The following CCSER1 variants were observed in gnomAD, a reference collection of about 807,000 sequenced individuals.
CCSER1 encodes serine-rich coiled-coil domain-containing protein 1.
CCSER1 carries 41 observed loss-of-function variants against 82.0 expected under a neutral mutation model. The observed-to-expected ratio is 0.50, with a 90% CI of 0.39 to 0.65. The LOEUF is 0.65. CCSER1 is among the 30% of genes least tolerant of loss of function. The pLI is 0.00. For synonymous variants in CCSER1, 414 were observed against 383.9 expected, an observed-to-expected ratio of 1.08 and a Z score of -0.92; for missense variants, 1,119 against 1,064.2, an observed-to-expected ratio of 1.05 and a Z score of -0.72.
intron 1 of CCSER1, among the ~76,000 whole-genome samples, chr4:90,208,249 C>T (rs115597287): frequency 0.024 from 3,609 of 152,232 alleles, 66 homozygotes; most frequent in Non-Finnish European, 0.038. Context: ...GGTTTTGTGG[C>T]GCTGCAGTTG....
At chr4:90,978,542 G>A (rs1735814298) in intron 9 of CCSER1, among the ~76,000 whole-genome samples, 1 of 151,598 alleles carries the variant, frequency 6.6e-6, no homozygotes, top group African/African-American at 2.4e-5. Context: ...ATCTAATTTA[G>A]ATTCAGGGAA....
chr4:91,343,093 T>A lies in CCSER1; in HGVS notation c.2218-255479T>A, dbSNP rs187835411. On this transcript the variant is annotated intron_variant, in intron 10 of 10. Transcript: ENST00000509176. ...ATTATAAATACATGTTACAAATTTA[T>A]AATAAAATATTTACTGTTGCCTACA... 1.1e-3 allele frequency among the ~76,000 whole-genome samples: 164 copies of A among 152,204 alleles called. 1 individual carries two copies. In the Middle Eastern group the frequency reaches 0.017, roughly 16 times the overall value.
chr4:91,078,797 T>C (rs1318575138), intron 9 of CCSER1, among the ~76,000 whole-genome samples: 4 of 152,310 alleles, frequency 2.6e-5, no homozygotes, highest in African/African-American at 9.6e-5. Context: ...CAAGCTTCAA[T>C]AGCAGATTTA....
intron 10 of CCSER1, among the ~76,000 whole-genome samples, chr4:91,557,644 G>C (rs948306663): frequency 7.3e-5 from 11 of 151,460 alleles, no homozygotes; most frequent in Non-Finnish European, 8.9e-5. Context: ...ATTGAGCTAT[G>C]TTTTAAAGGT....
chr4:91,139,974 A>G (rs1432532877), intron 10 of CCSER1, among the ~76,000 whole-genome samples: 3 of 152,138 alleles, frequency 2.0e-5, no homozygotes. Context: ...GTACCTTGGG[A>G]GTAAGTTAAA....
intron 1 of CCSER1, among the ~76,000 whole-genome samples, chr4:90,183,632 A>T (rs1337166693): frequency 6.6e-6 from 1 of 152,158 alleles, no homozygotes; most frequent in Non-Finnish European, 1.5e-5. Flanking sequence ...TAACTCTGAA[A>T]AGGTACTCAC....
At chr4:90,986,431 A>G (rs934329548) in intron 9 of CCSER1, among the ~76,000 whole-genome samples, 1 of 151,870 alleles carries the variant, frequency 6.6e-6, no homozygotes, top group African/African-American at 2.4e-5. Flanking sequence ...AATTTAAAAC[A>G]CCTGATTATT....
chr4:90,755,814 T>G (rs1320319725), intron 7 of CCSER1, among the ~76,000 whole-genome samples: 1 of 152,220 alleles, frequency 6.6e-6, no homozygotes, highest in Non-Finnish European at 1.5e-5. Context: ...CAGGGAAATA[T>G]CTAATGATCC....
chr4:90,628,488 A>T (rs1001024801), intron 6 of CCSER1, among the ~76,000 whole-genome samples: 1 of 152,152 alleles, frequency 6.6e-6, no homozygotes, highest in African/African-American at 2.4e-5. Context: ...GCATCCCCCT[A>T]TTTGTCAGGT....
chr4:91,529,048 T>C (rs911224586), intron 10 of CCSER1, among the ~76,000 whole-genome samples: 56 of 152,262 alleles, frequency 3.7e-4, no homozygotes, highest in African/African-American at 1.3e-3. Context: ...TCAATGCTTT[T>C]GTTTCTCAGT....
intron 4 of CCSER1, among the ~76,000 whole-genome samples, chr4:90,438,113 T>A (rs953242399): frequency 2.0e-5 from 3 of 152,170 alleles, no homozygotes; most frequent in African/African-American, 7.2e-5. Context: ...CTATACTTGA[T>A]ACAGAAAAGT....
At chr4:90,953,566 C>G (rs1418848832) in intron 9 of CCSER1, among the ~76,000 whole-genome samples, 2 of 151,124 alleles carry the variant, frequency 1.3e-5, no homozygotes, top group Admixed American at 6.6e-5. Context: ...TTTATTTCAC[C>G]TGCATTCATT....
At chr4:90,928,514 A>G (rs1729340319) in intron 9 of CCSER1, among the ~76,000 whole-genome samples, 1 of 152,150 alleles carries the variant, frequency 6.6e-6, no homozygotes, top group Non-Finnish European at 1.5e-5. Context: ...GGGCATACTT[A>G]AAAATCAATA....
intron 3 of CCSER1, among the ~76,000 whole-genome samples, chr4:90,342,409 A>C (rs576140975): frequency 3.3e-5 from 5 of 152,134 alleles, no homozygotes; most frequent in Non-Finnish European, 5.9e-5. Flanking sequence ...GACATTGACT[A>C]TCCTCACCCT....
chr4:91,511,492 CAG>C (rs1759821550), intron 10 of CCSER1, among the ~76,000 whole-genome samples: 1 of 129,236 alleles, frequency 7.7e-6, no homozygotes, highest in Non-Finnish European at 1.6e-5. Context: ...TCATGTATAA[CAG>C]GGGGTCCCTA....
intron 3 of CCSER1, among the ~76,000 whole-genome samples, chr4:90,388,827 G>A (rs1206669962): frequency 6.6e-6 from 1 of 150,436 alleles, no homozygotes; most frequent in Non-Finnish European, 1.5e-5. Context: ...GTAGAGACTG[G>A]GTTTCACCAT....
chr4:91,144,562 T>G (rs2148937049), intron 10 of CCSER1, among the ~76,000 whole-genome samples: 1 of 152,086 alleles, frequency 6.6e-6, no homozygotes, highest in Middle Eastern at 3.4e-3. Context: ...TTTCTTAATT[T>G]GACATCTTTC....
At chr4:91,252,198 A>C (rs902872765) in intron 10 of CCSER1, among the ~76,000 whole-genome samples, 3 of 152,172 alleles carry the variant, frequency 2.0e-5, no homozygotes, top group African/African-American at 7.2e-5. Flanking sequence ...AAAGGAAAAA[A>C]AAATTGTTGT....
intron 10 of CCSER1, among the ~76,000 whole-genome samples, chr4:91,590,533 T>A (rs981939391): frequency 6.6e-6 from 1 of 152,140 alleles, no homozygotes; most frequent in Admixed American, 6.6e-5. Context: ...AACTTCTATT[T>A]CTCAGTGATG....
Sources: gnomAD v4.1 joint callset for allele counts (sites outside exome capture counted in the v4.1 genomes callset) on GRCh38, gnomAD v4.1.1 for gene constraint, MANE v1.5 for transcripts, NCBI Gene and HGNC (gene_info 2026-07-23, HGNC 2026-07-21) for gene names.